Variants in FAM13A observed in about 807,000 individuals in gnomAD.
FAM13A encodes the protein protein FAM13A.
Under a neutral mutation model 129.6 loss-of-function variants are expected in FAM13A, and 76 were observed. That is an observed-to-expected ratio of 0.59 (90% CI 0.49 to 0.71). The LOEUF is 0.71. Ranked by LOEUF, FAM13A falls within the 30% of genes least tolerant of loss-of-function variation. The pLI, the probability that FAM13A is intolerant of heterozygous loss-of-function variation, is 0.00. For missense variants in FAM13A, 1,108 were observed against 1,249.3 expected, an observed-to-expected ratio of 0.89 and a Z score of 1.70; for synonymous variants, 443 against 449.9, an observed-to-expected ratio of 0.98 and a Z score of 0.20.
intron 6 of FAM13A, among the ~76,000 whole-genome samples, chr4:88,882,339 A>G (rs1743718370): frequency 6.6e-6 from 1 of 152,196 alleles, no homozygotes; most frequent in South Asian, 2.1e-4. Context: ...GACTGCTTAA[A>G]CAAAGTAATT....
In FAM13A at chr4:88,906,493, G is replaced by A. The variant is rs1561301655; in HGVS notation, c.760-31C>T. 5 of 1,478,426 alleles carry A rather than the reference G, an allele frequency of 3.4e-6. No homozygotes were observed. The Admixed American group carries it at 7.9e-5, about 23-fold the overall frequency. 91.6% of individuals were successfully genotyped at this position (1,478,426 alleles called of 1,614,324 possible). A position where few individuals can be genotyped will look rare whatever the true frequency, so the allele number is the denominator to read the frequency against. On this transcript the variant is annotated intron_variant, in intron 5 of 23. Coordinates refer to ENST00000264344, the MANE Select transcript of FAM13A (RefSeq NM_014883.4). ...AAAGAAGTATAAAGGAAACATTAGAGATTAAAGAACACTTACCCTAACCAA... is the reference window on the plus strand; with the variant it reads ...AAAGAAGTATAAAGGAAACATTAGAAATTAAAGAACACTTACCCTAACCAA...
In FAM13A at chr4:88,869,682, G is replaced by A. The variant is rs1423446009; in HGVS notation, c.844-18499C>T. 3.3e-5 allele frequency among the ~76,000 whole-genome samples: 5 copies of A among 152,310 alleles called. No individual in the cohort carries two copies. In the East Asian group the frequency reaches 9.6e-4, roughly 29 times the overall value. The stretch of plus-strand genomic sequence containing the variant: ...GTTAGTTTATATTGCTTGCTAGTCT[G>A]AAGATTCCATGTATCAACTTCAACT... On this transcript the variant is annotated intron_variant, in intron 6 of 23. Coordinates refer to ENST00000264344, the MANE Select transcript of FAM13A (RefSeq NM_014883.4).
intron 6 of FAM13A, among the ~76,000 whole-genome samples, chr4:88,868,239 A>T (rs997264733): frequency 7.2e-5 from 11 of 152,186 alleles, no homozygotes; most frequent in Non-Finnish European, 7.3e-5. Context: ...CCCCAACATT[A>T]TCTTAAAATC....
At chr4:88,912,410 C>A (rs910919760) in intron 5 of FAM13A, among the ~76,000 whole-genome samples, 2 of 152,150 alleles carry the variant, frequency 1.3e-5, no homozygotes, top group Admixed American at 6.5e-5. Context: ...GCACCATCAG[C>A]TTCCCAGCCA....
chr4:88,911,809 A>T (rs1167822926), intron 5 of FAM13A, among the ~76,000 whole-genome samples: 1 of 152,170 alleles, frequency 6.6e-6, no homozygotes, highest in Non-Finnish European at 1.5e-5. Context: ...TTTAAAAGAT[A>T]CTTCCTTAAT....
chr4:88,770,341 T>C (rs887137107), intron 11 of FAM13A, among the ~76,000 whole-genome samples: 3 of 152,226 alleles, frequency 2.0e-5, no homozygotes, highest in Non-Finnish European at 4.4e-5. Flanking sequence ...ATTATCAGAC[T>C]CTTTAGTGTA....
chr4:88,980,983 A>T (rs898470158), intron 4 of FAM13A, among the ~76,000 whole-genome samples: 1 of 152,224 alleles, frequency 6.6e-6, no homozygotes, highest in South Asian at 2.1e-4. Flanking sequence ...CACTAAGAAA[A>T]AATGTAACAT....
chr4:88,744,666 G>A (rs1740932178), intron 19 of FAM13A, among the ~76,000 whole-genome samples: 1 of 152,148 alleles, frequency 6.6e-6, no homozygotes, highest in Non-Finnish European at 1.5e-5. Context: ...GAAGAGTGTT[G>A]TCCGCATGGC....
intron 13 of FAM13A, among the ~76,000 whole-genome samples, chr4:88,760,754 T>A (rs1225249581): frequency 6.6e-6 from 1 of 151,928 alleles, no homozygotes; most frequent in Non-Finnish European, 1.5e-5. Flanking sequence ...AAAGCCTAAG[T>A]GGACCAGGGT....
chr4:88,804,209 T>C (rs1391096806), intron 8 of FAM13A, among the ~76,000 whole-genome samples: 1 of 151,864 alleles, frequency 6.6e-6, no homozygotes, highest in Non-Finnish European at 1.5e-5. Flanking sequence ...GTCGAGACCA[T>C]GCCACTGCAA....
chr4:88,923,367 C>A (rs2148728597), intron 5 of FAM13A, among the ~76,000 whole-genome samples: 1 of 152,300 alleles, frequency 6.6e-6, no homozygotes, highest in African/African-American at 2.4e-5. Flanking sequence ...ATCAAGTGGG[C>A]TTCATCCCTG....
intron 8 of FAM13A, among the ~76,000 whole-genome samples, chr4:88,802,869 C>A (rs1173201498): frequency 6.6e-6 from 1 of 152,138 alleles, no homozygotes; most frequent in Non-Finnish European, 1.5e-5. Context: ...TACCCGAGGG[C>A]CGCTATGGGT....
chr4:88,785,652 C>T (rs977795318), intron 10 of FAM13A, among the ~76,000 whole-genome samples: 1 of 152,136 alleles, frequency 6.6e-6, no homozygotes, highest in African/African-American at 2.4e-5. Context: ...CAGAACCCAG[C>T]ATGAAGATAA....
intron 6 of FAM13A, among the ~76,000 whole-genome samples, chr4:88,899,770 G>A (rs1746968004): frequency 6.6e-6 from 1 of 152,050 alleles, no homozygotes; most frequent in African/African-American, 2.4e-5. Flanking sequence ...CACAGAACTG[G>A]GTGGAGGCTG....
In FAM13A at chr4:88,974,415, C is replaced by T. The variant is rs556889818; in HGVS notation, c.605+16558G>A. Among the ~76,000 whole-genome samples, 63 of 152,198 alleles carry T rather than the reference C, an allele frequency of 4.1e-4. 1 individual carries two copies. Among genetic ancestry groups the T allele is most frequent in the African/African-American group, 1.4e-3 (59 of 41,530 alleles). On this transcript the variant is annotated intron_variant, in intron 4 of 23. Coordinates refer to ENST00000264344, the MANE Select transcript of FAM13A (RefSeq NM_014883.4). The stretch of plus-strand genomic sequence containing the variant: ...TCAGCTTTTTACTTGTTGTTAGGAA[C>T]GAGTGGTGATTCCAAGCTCCTTAAA...
intron 6 of FAM13A, among the ~76,000 whole-genome samples, chr4:88,865,645 G>T (rs1423896624): frequency 6.6e-6 from 1 of 152,200 alleles, no homozygotes; most frequent in East Asian, 1.9e-4. Flanking sequence ...TAAAGGGCCA[G>T]ATAGTAAATA....
Position 88,781,881 on chromosome 4 carries a change from C to T in FAM13A, c.1272-530G>A, listed in dbSNP as rs554939467. 1.2e-4 allele frequency among the ~76,000 whole-genome samples: 18 copies of T among 150,984 alleles called. No homozygotes were observed. In the South Asian group the frequency reaches 2.7e-3, roughly 23 times the overall value. On this transcript the variant is annotated intron_variant, in intron 10 of 23. Transcript: ENST00000264344. ...GGGAGGGATAGCATTAGGAGATATA[C>T]CTAATGCTAAATGACGAGTTAATGG...
intron 1 of FAM13A, among the ~76,000 whole-genome samples, chr4:89,041,424 A>T (rs1468660437): frequency 1.3e-5 from 2 of 152,128 alleles, no homozygotes; most frequent in Non-Finnish European, 1.5e-5. Flanking sequence ...AAGGTTGCAA[A>T]TTTTTCTTGC....
Position 88,906,373 on chromosome 4 carries a change from GT to G in FAM13A, c.843+5del. On this transcript the variant is annotated splice_donor_5th_base_variant and intron_variant, in intron 6 of 23. Transcript: ENST00000264344. ...CATGGTCGCCTACAGAGAAAACATA[GT>G]TTACCTTGGTTTTTGGAGGTGGTTT... The G allele has an allele frequency of 6.3e-7, 1 of 1,586,028 alleles. No homozygotes were observed. Among genetic ancestry groups the G allele is most frequent in the South Asian group, 1.1e-5 (1 of 89,874 alleles).
Sources: gnomAD v4.1 joint callset for allele counts (sites outside exome capture counted in the v4.1 genomes callset) on GRCh38, gnomAD v4.1.1 for gene constraint, MANE v1.5 for transcripts, NCBI Gene and HGNC (gene_info 2026-07-23, HGNC 2026-07-21) for gene names.